The following MED14 variants were observed in gnomAD, a reference collection of about 807,000 sequenced individuals.
The protein encoded by MED14 is mediator complex subunit 14.
MED14 carries 8 observed loss-of-function variants against 109.0 expected under a neutral mutation model. That is an observed-to-expected ratio of 0.07 (90% CI 0.04 to 0.13). The LOEUF is 0.13. Among genes scored for constraint, MED14 ranks in the 10% least tolerant of loss-of-function variants. MED14 has a pLI of 1.00. For missense variants in MED14, 711 were observed against 1,142.4 expected (o/e 0.62, Z 5.44); for synonymous variants, 399 against 408.7 (o/e 0.98, Z 0.29).
intron 26 of MED14, 141 bp downstream of exon 26, chrX:40,662,784 G>C: frequency 2.1e-6 from 1 of 467,683 alleles, no homozygotes; most frequent in South Asian, 3.5e-5. Context: ...TGCCAGGTTA[G>C]GGTGAAAATC....
chrX:40,697,267 C>A, intron 12 of MED14, 84 bp from the exon 13 acceptor site: 2 of 539,611 alleles, frequency 3.7e-6, no homozygotes, highest in Admixed American at 3.7e-5. Context: ...GATTAAAGAC[C>A]ATTAAAAAAA....
chrX:40,681,038 A>C, intron 19 of MED14, 128 bp from the exon 20 acceptor site: 1 of 480,762 alleles, frequency 2.1e-6, no homozygotes, highest in Non-Finnish European at 3.5e-6. Context: ...GAAAACAAGC[A>C]ATAAAATAAG....
At chrX:40,695,079 A>T (rs1253017560) in intron 13 of MED14, among the ~76,000 whole-genome samples, 2 of 111,914 alleles carry the variant, frequency 1.8e-5, no homozygotes, top group East Asian at 5.6e-4. Flanking sequence ...TGTCAAAGGT[A>T]TTATGCTGAG....
At chrX:40,695,845 G>A (rs1034351569) in intron 13 of MED14, among the ~76,000 whole-genome samples, 1 of 112,156 alleles carries the variant, frequency 8.9e-6, no homozygotes, top group African/African-American at 3.2e-5. Flanking sequence ...GCCTACAATG[G>A]TGTCCTTTTA....
intron 16 of MED14, 24 bp downstream of exon 16, chrX:40,688,430 G>A (rs1602465968): frequency 3.5e-6 from 4 of 1,141,663 alleles, no homozygotes; most frequent in African/African-American, 1.8e-5. Context: ...GTGGCACCAA[G>A]TGAAACATAT....
At chrX:40,700,236 G>A (rs1569291350) in intron 12 of MED14, among the ~76,000 whole-genome samples, 1 of 107,554 alleles carries the variant, frequency 9.3e-6, no homozygotes, top group Non-Finnish European at 1.9e-5. Flanking sequence ...TGCACCTGTG[G>A]TCCCAGCTAC....
chrX:40,720,736 CTCCT>C (rs1931684630), intron 3 of MED14, among the ~76,000 whole-genome samples: 1 of 109,226 alleles, frequency 9.2e-6, no homozygotes, highest in African/African-American at 3.3e-5. Context: ...ACAAAAGAGA[CTCCT>C]TCCTTCTGCT....
intron 16 of MED14, among the ~76,000 whole-genome samples, chrX:40,687,350 C>G (rs1160404549): frequency 8.9e-6 from 1 of 111,860 alleles, no homozygotes; most frequent in Non-Finnish European, 1.9e-5. Context: ...ACCAACAACT[C>G]TAATGTGAAC....
At position 40,680,916 on chromosome X, in the gene MED14, TA is replaced by T; in HGVS notation, c.2458-7del. 9.3e-7 allele frequency: 1 copy of T among 1,073,069 alleles called. No homozygotes were observed. The highest frequency in any genetic ancestry group is 1.3e-6 in the Non-Finnish European group (1 of 792,529). 88.4% of individuals were successfully genotyped at this position (1,073,069 alleles called of 1,213,427 possible). A position where few individuals can be genotyped will look rare whatever the true frequency, so the allele number is the denominator to read the frequency against. On this transcript the variant is annotated splice_polypyrimidine_tract_variant and splice_region_variant and intron_variant, in intron 19 of 30. Transcript: ENST00000324817. ...GAATTCCATTGGATACTAATCTAAATAAAAAAGATTACATGTTTCAGAAACT... is the reference window on the plus strand; with the variant it reads ...GAATTCCATTGGATACTAATCTAAATAAAAAGATTACATGTTTCAGAAACT...
At chrX:40,661,778 C>CA (rs1260243514) in intron 26 of MED14, among the ~76,000 whole-genome samples, 1 of 111,583 alleles carries the variant, frequency 9.0e-6, no homozygotes, top group Non-Finnish European at 1.9e-5. Context: ...CTAAGGCTAT[C>CA]AGCATAGGAT....
At chrX:40,661,907 A>G (rs1929290264) in intron 26 of MED14, among the ~76,000 whole-genome samples, 1 of 111,640 alleles carries the variant, frequency 9.0e-6, no homozygotes, top group Non-Finnish European at 1.9e-5. Flanking sequence ...TCTGTTGCCC[A>G]GGCTGGAGTG....
chrX:40,662,206 T>C (rs910144147), intron 26 of MED14, among the ~76,000 whole-genome samples: 1 of 111,315 alleles, frequency 9.0e-6, no homozygotes. Context: ...CTTGTAACCA[T>C]AAATAATTTT....
At chrX:40,658,688 CAAAAAAAAAAAAAAAAA>C (rs60449902) in intron 28 of MED14, among the ~76,000 whole-genome samples, 2 of 21,654 alleles carry the variant, frequency 9.2e-5, no homozygotes, top group East Asian at 3.6e-3. Flanking sequence ...CCGTCTCTAC[CAAAAAAAAAAAAAAAAA>C]AAAAAAAAAA....
intron 22 of MED14, among the ~76,000 whole-genome samples, chrX:40,674,831 T>C (rs939580416): frequency 1.8e-5 from 2 of 112,285 alleles, no homozygotes; most frequent in Admixed American, 9.4e-5. Flanking sequence ...CCCTGAAAAT[T>C]TGTCCACCTG....
chrX:40,678,050 C>G (rs770895729), intron 21 of MED14, among the ~76,000 whole-genome samples: 2 of 111,036 alleles, frequency 1.8e-5, no homozygotes, highest in East Asian at 2.8e-4. Flanking sequence ...TTCCCCACCC[C>G]CCATGTACCT....
intron 13 of MED14, among the ~76,000 whole-genome samples, chrX:40,694,920 G>C (rs750059847): frequency 8.9e-5 from 10 of 111,961 alleles, no homozygotes; most frequent in Non-Finnish European, 1.5e-4. Flanking sequence ...ATGTTTAACA[G>C]CTTTAGTCAA....
intron 18 of MED14, 151 bp downstream of exon 18, chrX:40,682,452 T>C: frequency 2.1e-6 from 1 of 483,619 alleles, no homozygotes; most frequent in Admixed American, 4.5e-5. Context: ...GGAAGGAAAT[T>C]GAAGTCTGAA....
intron 16 of MED14, among the ~76,000 whole-genome samples, chrX:40,686,317 A>G (rs1016248047): frequency 8.9e-6 from 1 of 111,920 alleles, no homozygotes; most frequent in African/African-American, 3.2e-5. Flanking sequence ...CGAGAACAAG[A>G]TATTTTTAAA....
chrX:40,674,170 A>G (rs1172631810), intron 22 of MED14, among the ~76,000 whole-genome samples: 2 of 111,599 alleles, frequency 1.8e-5, no homozygotes, highest in Non-Finnish European at 3.8e-5. Context: ...CATCTGAGTC[A>G]ATGTCTGTCA....
Sources: allele counts gnomAD v4.1 joint callset (sites outside exome capture counted in the v4.1 genomes callset), GRCh38; gene constraint gnomAD v4.1.1; transcripts MANE v1.5; gene names NCBI Gene and HGNC (gene_info 2026-07-23, HGNC 2026-07-21).